PUS10: variants seen among roughly 807,000 people sequenced by gnomAD.
PUS10 encodes pseudouridine synthase 10.
PUS10 carries 59 observed loss-of-function variants against 75.0 expected under a neutral mutation model. That is an observed-to-expected ratio of 0.79 (90% confidence interval 0.64 to 0.98). The LOEUF is 0.98. Among genes scored for constraint, PUS10 ranks in the 50% least tolerant of loss-of-function variants. The pLI, the probability that PUS10 is intolerant of heterozygous loss-of-function variation, is 0.00. For synonymous variants in PUS10, 219 were observed against 211.6 expected (o/e 1.03, Z -0.30); for missense variants, 650 against 614.4 (o/e 1.06, Z -0.61).
intron 4 of PUS10, among the ~76,000 whole-genome samples, chr2:60,990,648 C>T (rs1267239884): frequency 1.3e-5 from 2 of 152,150 alleles, no homozygotes; most frequent in African/African-American, 2.4e-5. Context: ...TTGCTAATGC[C>T]CCTAGCTAGA....
chr2:61,003,780 G>A (rs1228414558), intron 4 of PUS10, among the ~76,000 whole-genome samples: 1 of 152,028 alleles, frequency 6.6e-6, no homozygotes, highest in South Asian at 2.1e-4. Context: ...TGACTCAAGA[G>A]ATCCTCCCAC....
chr2:61,003,548 A>ATT (rs1264178685), intron 4 of PUS10, among the ~76,000 whole-genome samples: 4 of 144,882 alleles, frequency 2.8e-5, no homozygotes, highest in Non-Finnish European at 3.0e-5. Flanking sequence ...TTATTGCTTA[A>ATT]TTTTTTTTTT....
chr2:60,987,520 C>G (rs1677794977), intron 4 of PUS10, among the ~76,000 whole-genome samples: 1 of 152,150 alleles, frequency 6.6e-6, no homozygotes, highest in Non-Finnish European at 1.5e-5. Context: ...AAGGCAAGGT[C>G]TAATGACAAA....
intron 1 of PUS10, among the ~76,000 whole-genome samples, chr2:61,015,820 G>C (rs900305218): frequency 2.6e-5 from 4 of 152,164 alleles, no homozygotes; most frequent in African/African-American, 9.7e-5. Context: ...CGGATGCTGT[G>C]AGGGGCGAAT....
chr2:60,948,322 G>A, intron 15 of PUS10, 137 bp from the exon 16 acceptor site: 2 of 795,076 alleles, frequency 2.5e-6, no homozygotes, highest in Non-Finnish European at 4.2e-6. Context: ...TGTCCCCTTA[G>A]GTTCAAACTC....
intron 11 of PUS10, among the ~76,000 whole-genome samples, chr2:60,959,395 A>AT (rs1175085563): frequency 6.6e-6 from 1 of 152,068 alleles, no homozygotes; most frequent in African/African-American, 2.4e-5. Flanking sequence ...TTTCAAATTT[A>AT]TTTTTTATTT....
At position 60,987,455 on chromosome 2, in the gene PUS10, A is replaced by T. The variant is rs534879165; in HGVS notation, c.469-15898T>A. Among the ~76,000 whole-genome samples, 154 of 152,272 alleles carry T rather than the reference A, an allele frequency of 1.0e-3. 1 individual carries two copies. The highest frequency in any genetic ancestry group is 1.0e-3 in the Non-Finnish European group (69 of 68,022). On this transcript the variant is annotated intron_variant, in intron 4 of 17. Coordinates refer to ENST00000316752, the MANE Select transcript of PUS10 (RefSeq NM_144709.4). Reference sequence around the variant, plus strand: ...AAGTGAGAGAGAGAGAAAAAAAAGGAAGAAGAAAAAAGGAACCACAGATTC... The same window carrying T: ...AAGTGAGAGAGAGAGAAAAAAAAGGTAGAAGAAAAAAGGAACCACAGATTC...
chr2:60,950,450 C>A (rs1299938346), intron 15 of PUS10, among the ~76,000 whole-genome samples: 1 of 152,026 alleles, frequency 6.6e-6, no homozygotes, highest in Non-Finnish European at 1.5e-5. Flanking sequence ...CAGAGTCTCA[C>A]TCTGTCCCCC....
intron 4 of PUS10, among the ~76,000 whole-genome samples, chr2:60,976,546 G>C (rs745720473): frequency 1.3e-5 from 2 of 152,228 alleles, no homozygotes; most frequent in Non-Finnish European, 2.9e-5. Context: ...GGAACTGGAG[G>C]TTGCCAAGGG....
At chr2:61,000,381 A>G (rs1172224996) in intron 4 of PUS10, among the ~76,000 whole-genome samples, 1 of 152,160 alleles carries the variant, frequency 6.6e-6, no homozygotes, top group Non-Finnish European at 1.5e-5. Flanking sequence ...TTCATTTTCT[A>G]TTGCTTCTAT....
At chr2:60,960,149 C>A (rs866122838) in intron 11 of PUS10, among the ~76,000 whole-genome samples, 203 of 88,176 alleles carry the variant, frequency 2.3e-3, no homozygotes, top group South Asian at 8.9e-3. Context: ...CAGGCTCTCT[C>A]AAAAAAAAAA....
intron 4 of PUS10, among the ~76,000 whole-genome samples, chr2:60,983,156 G>A (rs1677508030): frequency 6.6e-6 from 1 of 152,034 alleles, no homozygotes; most frequent in East Asian, 1.9e-4. Flanking sequence ...GTCTCCCAAA[G>A]TGCTGGGATT....
intron 4 of PUS10, among the ~76,000 whole-genome samples, chr2:60,981,385 C>T (rs946180518): frequency 5.9e-5 from 9 of 151,956 alleles, no homozygotes; most frequent in East Asian, 1.9e-4. Flanking sequence ...CAGGTTCAAG[C>T]GATTCTCCTG....
At position 61,018,125 on chromosome 2, in the gene PUS10, G is replaced by GGCTTCCTAC. The variant is rs1349299340; in HGVS notation, c.-142_-134dup. On this transcript the variant is annotated 5_prime_UTR_variant, in exon 1 of 18. Coordinates refer to ENST00000316752, the MANE Select transcript of PUS10 (RefSeq NM_144709.4). ...CTCTGTGCTTGAAAGAAAGGGGGGC[G>GGCTTCCTAC]GCTTCCTACCTACCGCTTCTGTTTT... 1.3e-6 allele frequency: 2 copies of GGCTTCCTAC among 1,547,900 alleles called. No individual in the cohort carries two copies. The highest frequency in any genetic ancestry group is 3.9e-5 in the Admixed American group (2 of 50,692).
chr2:60,952,474 A>G (rs1315808109), intron 15 of PUS10, among the ~76,000 whole-genome samples: 3 of 152,180 alleles, frequency 2.0e-5, no homozygotes, highest in Non-Finnish European at 4.4e-5. Context: ...ATGTGGCAAA[A>G]TGCATGTGCT....
chr2:60,990,170 A>T (rs1677989516), intron 4 of PUS10, among the ~76,000 whole-genome samples: 1 of 152,190 alleles, frequency 6.6e-6, no homozygotes, highest in South Asian at 2.1e-4. Flanking sequence ...GGGAAAAAAA[A>T]CCTAGAAAAC....
chr2:60,969,543 A>C (rs944035485), intron 5 of PUS10, among the ~76,000 whole-genome samples: 6 of 152,194 alleles, frequency 3.9e-5, no homozygotes, highest in African/African-American at 7.2e-5. Context: ...AGTTGCAATC[A>C]CTTTTGCTGT....
At chr2:61,014,293 AC>A (rs1174063520) in intron 1 of PUS10, among the ~76,000 whole-genome samples, 1 of 151,826 alleles carries the variant, frequency 6.6e-6, no homozygotes, top group African/African-American at 2.4e-5. Context: ...CAAGAGAATC[AC>A]TTGAACCCCA....
At position 61,007,008 on chromosome 2, in the gene PUS10, G is replaced by A. The variant is rs544700960; in HGVS notation, c.382-365C>T. Among the ~76,000 whole-genome samples the A allele has an allele frequency of 1.5e-4, 23 of 152,064 alleles. No homozygotes were observed. The South Asian group carries it at 4.8e-3, about 31-fold the overall frequency. On this transcript the variant is annotated intron_variant, in intron 3 of 17. Coordinates refer to ENST00000316752, the MANE Select transcript of PUS10 (RefSeq NM_144709.4). ...ACATTCAATCATTTACCTTCTACAAGGCTGTACCACTAGTCTTTTCAGGAC... is the reference window on the plus strand; with the variant it reads ...ACATTCAATCATTTACCTTCTACAAAGCTGTACCACTAGTCTTTTCAGGAC...
Sources: gnomAD v4.1 joint callset for allele counts (sites outside exome capture counted in the v4.1 genomes callset) on GRCh38, gnomAD v4.1.1 for gene constraint, MANE v1.5 for transcripts, NCBI Gene and HGNC (gene_info 2026-07-23, HGNC 2026-07-21) for gene names.